Variants in HDAC4 observed in about 807,000 individuals in gnomAD.
The protein encoded by HDAC4 is histone deacetylase A.
HDAC4 carries 16 observed loss-of-function variants against 135.1 expected under a neutral mutation model. The observed-to-expected ratio is 0.12, with a 90% confidence interval of 0.08 to 0.18. The LOEUF (loss-of-function observed/expected upper bound fraction) is 0.18, where lower values mean the gene tolerates loss of function less well. HDAC4 is among the 10% of genes least tolerant of loss of function. The pLI, the probability that HDAC4 is intolerant of heterozygous loss-of-function variation, is 1.00. For synonymous variants in HDAC4, 685 were observed against 653.4 expected (o/e 1.05, Z -0.74); for missense variants, 1,143 against 1,511.8 (o/e 0.76, Z 4.05).
At chr2:239,057,615 ATGT>A (rs553064989) in intron 24 of HDAC4, among the ~76,000 whole-genome samples, 188 of 152,360 alleles carry the variant, frequency 1.2e-3, no homozygotes, top group African/African-American at 4.4e-3. Flanking sequence ...AAGCCAATCA[ATGT>A]GTCAAGAGCA....
Position 239,186,547 on chromosome 2 carries a change from G to A in HDAC4, c.339+3286C>T, listed in dbSNP as rs529176328. The A allele has an allele frequency of 2.0e-5, 3 of 152,338 alleles. No homozygotes were observed. The East Asian group carries it at 5.8e-4, about 29-fold the overall frequency. 9.4% of individuals were successfully genotyped at this position (152,338 alleles called of 1,614,324 possible). A position where few individuals can be genotyped will look rare whatever the true frequency, so the allele number is the denominator to read the frequency against. ...CTTGAACTTCTTTCTGTGCTTTTGA[G>A]ACCCTGGCCCAGAGACTGGCTCCAG... On this transcript the variant is annotated intron_variant, in intron 4 of 26. Coordinates refer to ENST00000543185, the MANE Select transcript of HDAC4 (RefSeq NM_001378414.1).
intron 1 of HDAC4, among the ~76,000 whole-genome samples, chr2:239,361,117 GTTGT>G (rs1693839662): frequency 6.6e-6 from 1 of 152,056 alleles, no homozygotes; most frequent in Admixed American, 6.6e-5. Context: ...ACATTAAGTA[GTTGT>G]TTGTTTTCTC....
At chr2:239,188,530 G>A (rs946731672) in intron 4 of HDAC4, among the ~76,000 whole-genome samples, 5 of 152,238 alleles carry the variant, frequency 3.3e-5, no homozygotes, top group African/African-American at 1.2e-4. Flanking sequence ...GACCACGTGA[G>A]CATCTCAGAA....
chr2:239,354,561 A>ATTTTTTTTTTTTTTTTT (rs1559380877), intron 1 of HDAC4, among the ~76,000 whole-genome samples: 1 of 129,566 alleles, frequency 7.7e-6, no homozygotes, highest in Non-Finnish European at 1.6e-5. Flanking sequence ...TTAGTCTAGA[A>ATTTTTTTTTTTTTTTTT]ATTTTTTTTT....
At chr2:239,364,649 C>G (rs1046995001) in intron 1 of HDAC4, among the ~76,000 whole-genome samples, 1 of 152,222 alleles carries the variant, frequency 6.6e-6, no homozygotes, top group African/African-American at 2.4e-5. Context: ...TCCCTCCTGG[C>G]TTGTGTACTT....
At position 239,094,874 on chromosome 2, in the gene HDAC4, G is replaced by A. The variant is rs2036861225; in HGVS notation, c.2280+136C>T. 3.9e-5 allele frequency: 62 copies of A among 1,584,832 alleles called. No individual in the cohort carries two copies. In the South Asian group the frequency reaches 5.1e-4, roughly 13 times the overall value. On this transcript the variant is annotated intron_variant, in intron 17 of 26. Transcript: ENST00000543185. ...CTCGGCTCACACGGCCTTTGAAGCC[G>A]CACATGGGCAGCCCCTGCGTATGGA... is the stretch of plus-strand genomic sequence containing the variant.
intron 2 of HDAC4, among the ~76,000 whole-genome samples, chr2:239,343,394 G>A (rs1320285162): frequency 6.6e-6 from 1 of 152,214 alleles, no homozygotes; most frequent in Non-Finnish European, 1.5e-5. Flanking sequence ...AGAGAGCTCA[G>A]AGAAAGTTCA....
chr2:239,232,330 C>G (rs2047622541), intron 3 of HDAC4, among the ~76,000 whole-genome samples: 1 of 152,222 alleles, frequency 6.6e-6, no homozygotes, highest in Admixed American at 6.5e-5. Context: ...TTTTGCTGGT[C>G]TCTCCTGGCT....
intron 17 of HDAC4, chr2:239,094,680 G>C: frequency 1.7e-6 from 2 of 1,208,154 alleles, no homozygotes; most frequent in Non-Finnish European, 2.1e-6. Context: ...CACCATACTC[G>C]TGGCCTGATG....
chr2:239,078,323 G>A (rs2152670187), intron 22 of HDAC4, among the ~76,000 whole-genome samples: 1 of 152,166 alleles, frequency 6.6e-6, no homozygotes, highest in South Asian at 2.1e-4. Context: ...CTTCGTCTTA[G>A]GCTTGATCCC....
intron 1 of HDAC4, among the ~76,000 whole-genome samples, chr2:239,388,867 A>G (rs1337469920): frequency 6.6e-6 from 1 of 152,182 alleles, no homozygotes; most frequent in East Asian, 1.9e-4. Context: ...ATTTTGGCAC[A>G]CTTGGGCTCT....
At chr2:239,129,293 A>G (rs1354641259) in intron 11 of HDAC4, among the ~76,000 whole-genome samples, 2 of 152,192 alleles carry the variant, frequency 1.3e-5, no homozygotes, top group East Asian at 1.9e-4. Context: ...GTGGTTTCCA[A>G]TTTGGATCCC....
chr2:239,216,902 A>G (rs546646318), intron 3 of HDAC4, among the ~76,000 whole-genome samples: 2 of 152,356 alleles, frequency 1.3e-5, no homozygotes, highest in South Asian at 4.1e-4. Context: ...ACCTCGAACT[A>G]TTCTCAACAA....
At chr2:239,193,269 T>C (rs1490977310) in intron 3 of HDAC4, among the ~76,000 whole-genome samples, 1 of 152,246 alleles carries the variant, frequency 6.6e-6, no homozygotes, top group South Asian at 2.1e-4. Flanking sequence ...TTCTCACAGA[T>C]GGAGGGAGGG....
At position 239,066,653 on chromosome 2, in the gene HDAC4, G is replaced by C. The variant is rs537227393; in HGVS notation, c.3003+69C>G. 156 of 1,608,320 alleles carry C rather than the reference G, an allele frequency of 9.7e-5. No homozygotes were observed. The African/African-American group carries it at 1.9e-3, about 19-fold the overall frequency. On this transcript the variant is annotated intron_variant, in intron 24 of 26. Transcript: ENST00000543185. The stretch of plus-strand genomic sequence containing the variant: ...GGCTTTTTCATGCTCTGGGGCTCTC[G>C]GGCAGCCAGGCCACAACCCCGAGCC...
At position 239,299,986 on chromosome 2, in the gene HDAC4, G is replaced by A. The variant is rs1013730317; in HGVS notation, c.22+52692C>T. On this transcript the variant is annotated intron_variant, in intron 2 of 26. Coordinates refer to ENST00000543185, the MANE Select transcript of HDAC4 (RefSeq NM_001378414.1). The surrounding 1 kb of genome is among the most constrained non-coding windows in gnomAD (Gnocchi z 4.0). The stretch of plus-strand genomic sequence containing the variant: ...CTGCAGTGCTCCATGAATTTCTCCC[G>A]AATTCCATCCGTAAGTGCCTTTCAA... 1.3e-5 allele frequency among the ~76,000 whole-genome samples: 2 copies of A among 152,158 alleles called. No individual in the cohort carries two copies. Among genetic ancestry groups the A allele is most frequent in the Non-Finnish European group, 2.9e-5 (2 of 68,026 alleles).
chr2:239,206,827 C>T (rs547919549), intron 3 of HDAC4, among the ~76,000 whole-genome samples: 24 of 152,306 alleles, frequency 1.6e-4, no homozygotes, highest in Middle Eastern at 3.4e-3. Context: ...AGGGATATAT[C>T]AACATTGGGT....
In HDAC4 at chr2:239,151,410, C is replaced by T. The variant is rs3828215; in HGVS notation, c.733+5242G>A. ...CTTCCTCACCAAGCGGGACAGCTTCCCCCCAAAATGGAGGAAAACCCACCC... is the reference window on the plus strand; with the variant it reads ...CTTCCTCACCAAGCGGGACAGCTTCTCCCCAAAATGGAGGAAAACCCACCC... On this transcript the variant is annotated intron_variant, in intron 7 of 26. Transcript: ENST00000543185. Among the ~76,000 whole-genome samples, 4 of 152,268 alleles carry T rather than the reference C, an allele frequency of 2.6e-5. No homozygotes were observed. The South Asian group carries it at 8.3e-4, about 32-fold the overall frequency.
intron 2 of HDAC4, among the ~76,000 whole-genome samples, chr2:239,263,624 C>T (rs1165336884): frequency 6.6e-6 from 1 of 152,162 alleles, no homozygotes; most frequent in Non-Finnish European, 1.5e-5. Context: ...TCATGCCTTG[C>T]CTGAGAGTAT....
Sources: gnomAD v4.1 joint callset for allele counts (sites outside exome capture counted in the v4.1 genomes callset) on GRCh38, gnomAD v4.1.1 for gene constraint, Gnocchi (gnomAD v3.1) non-coding constraint, MANE v1.5 for transcripts, NCBI Gene and HGNC (gene_info 2026-07-23, HGNC 2026-07-21) for gene names.